The following RAB28 variants were observed in gnomAD, a reference collection of about 807,000 sequenced individuals.
The protein encoded by RAB28 is ras-related protein Rab-28.
In RAB28, 24 loss-of-function variants were observed where a neutral mutation model predicts 31.7. The observed-to-expected ratio is 0.76, with a 90% CI of 0.55 to 1.06. The LOEUF (loss-of-function observed/expected upper bound fraction) is 1.06, where lower values mean the gene tolerates loss of function less well. Ranked by LOEUF, RAB28 falls within the 50% of genes least tolerant of loss-of-function variation. The pLI is 0.00. For synonymous variants in RAB28, 100 were observed against 90.4 expected, an observed-to-expected ratio of 1.11 and a Z score of -0.60; for missense variants, 254 against 258.5, an observed-to-expected ratio of 0.98 and a Z score of 0.12.
intron 4 of RAB28, among the ~76,000 whole-genome samples, chr4:13,391,092 A>C (rs974492506): frequency 3.9e-5 from 6 of 152,238 alleles, no homozygotes; most frequent in African/African-American, 9.6e-5. Context: ...GCACAGCAAA[A>C]GAAACTACCA....
At chr4:13,381,247 T>C (rs1729115518) in intron 5 of RAB28, among the ~76,000 whole-genome samples, 1 of 152,144 alleles carries the variant, frequency 6.6e-6, no homozygotes, top group Admixed American at 6.5e-5. Context: ...TGGTTATCTC[T>C]AGATACTGAC....
intron 4 of RAB28, among the ~76,000 whole-genome samples, chr4:13,420,985 T>C (rs1334534992): frequency 1.3e-5 from 2 of 152,218 alleles, no homozygotes; most frequent in African/African-American, 2.4e-5. Flanking sequence ...GCAGATGACA[T>C]GATTGTATAT....
chr4:13,384,727 T>A (rs1229430319), intron 4 of RAB28, among the ~76,000 whole-genome samples: 1 of 152,074 alleles, frequency 6.6e-6, no homozygotes, highest in Non-Finnish European at 1.5e-5. Context: ...ATCAGCAACA[T>A]CAAAGACCGA....
At chr4:13,444,748 A>T (rs540513671) in intron 4 of RAB28, among the ~76,000 whole-genome samples, 27 of 152,354 alleles carry the variant, frequency 1.8e-4, no homozygotes, top group Admixed American at 5.9e-4. Context: ...GGTGTAACCC[A>T]AAGCTTAATC....
chr4:13,388,181 TC>T (rs1438335750), intron 4 of RAB28, among the ~76,000 whole-genome samples: 1 of 151,960 alleles, frequency 6.6e-6, no homozygotes, highest in Non-Finnish European at 1.5e-5. Flanking sequence ...AATGTAGTCT[TC>T]CAAATAGAAT....
intron 6 of RAB28, chr4:13,370,944 CAT>C (rs1239036347): frequency 6.1e-6 from 6 of 976,680 alleles, no homozygotes; most frequent in Non-Finnish European, 7.3e-6. Flanking sequence ...ACACAGATAA[CAT>C]GTTACCCAAA....
At chr4:13,442,169 C>T (rs1244778187) in intron 4 of RAB28, among the ~76,000 whole-genome samples, 1 of 152,138 alleles carries the variant, frequency 6.6e-6, no homozygotes, top group East Asian at 1.9e-4. Flanking sequence ...ATTTAGTAGA[C>T]TCAGCTTTTG....
At chr4:13,482,709 A>C (rs1716666587) in intron 1 of RAB28, among the ~76,000 whole-genome samples, 1 of 152,220 alleles carries the variant, frequency 6.6e-6, no homozygotes, top group Non-Finnish European at 1.5e-5. Flanking sequence ...CCCAACGTTT[A>C]AAGGTAATCA....
At chr4:13,450,832 C>T (rs1334348938) in intron 4 of RAB28, among the ~76,000 whole-genome samples, 1 of 151,422 alleles carries the variant, frequency 6.6e-6, no homozygotes. Flanking sequence ...ATAGGAAATT[C>T]TAAGTATGAT....
intron 4 of RAB28, among the ~76,000 whole-genome samples, chr4:13,407,481 C>A (rs906338027): frequency 1.3e-5 from 2 of 151,664 alleles, no homozygotes; most frequent in Non-Finnish European, 3.0e-5. Flanking sequence ...GATTGTCTTG[C>A]CTATATGGGC....
At chr4:13,439,623 C>T (rs953484943) in intron 4 of RAB28, among the ~76,000 whole-genome samples, 7 of 152,232 alleles carry the variant, frequency 4.6e-5, no homozygotes, top group African/African-American at 1.7e-4. Context: ...CTGAGATTAC[C>T]GGCATAAGCA....
intron 4 of RAB28, among the ~76,000 whole-genome samples, chr4:13,441,366 T>C (rs189051569): frequency 6.6e-6 from 1 of 152,330 alleles, no homozygotes; most frequent in East Asian, 1.9e-4. Context: ...CTTTAAAAAG[T>C]AATTAAATAC....
chr4:13,413,289 T>C lies in RAB28; in HGVS notation c.392-31695A>G, dbSNP rs138159407. 4.6e-3 allele frequency among the ~76,000 whole-genome samples: 698 copies of C among 152,292 alleles called. 6 individuals are homozygous for C. The highest frequency in any genetic ancestry group is 0.016 in the African/African-American group (665 of 41,576). On this transcript the variant is annotated intron_variant, in intron 4 of 6. Coordinates refer to ENST00000330852, the MANE Select transcript of RAB28 (RefSeq NM_001017979.3). ...AAAATTTAAGTCATTAATTATAATA[T>C]TAAAAAATCAAACTTTCCTTAGACT...
intron 6 of RAB28, chr4:13,371,958 G>A: frequency 7.8e-7 from 1 of 1,283,146 alleles, no homozygotes; most frequent in Non-Finnish European, 1.1e-6. Flanking sequence ...AATGGAAGTG[G>A]CAGCCATGGA....
chr4:13,476,753 T>C (rs1186105204), intron 2 of RAB28, among the ~76,000 whole-genome samples: 2 of 151,554 alleles, frequency 1.3e-5, no homozygotes, highest in African/African-American at 4.8e-5. Flanking sequence ...AAATCAAGAA[T>C]ATATCTAATA....
At chr4:13,440,641 T>C (rs967305495) in intron 4 of RAB28, among the ~76,000 whole-genome samples, 4 of 152,110 alleles carry the variant, frequency 2.6e-5, no homozygotes, top group Non-Finnish European at 5.9e-5. Flanking sequence ...TTATGTGAGA[T>C]TTATTTATAA....
intron 6 of RAB28, among the ~76,000 whole-genome samples, chr4:13,375,307 T>C (rs940689054): frequency 2.0e-5 from 3 of 152,216 alleles, no homozygotes; most frequent in African/African-American, 4.8e-5. Context: ...AACCTATTAA[T>C]TTTCTTTACT....
Position 13,368,296 on chromosome 4 carries a change from T to C in RAB28, c.*262A>G, listed in dbSNP as rs1299136913. On this transcript the variant is annotated 3_prime_UTR_variant, in exon 7 of 7. Coordinates refer to ENST00000330852, the MANE Select transcript of RAB28 (RefSeq NM_001017979.3). ...AGCAAGGACATACAAAGAAACAACA[T>C]CATTCTTTTGCAATGAAGCAGTCTA... The C allele has an allele frequency of 1.8e-6, 2 of 1,108,018 alleles. No homozygotes were observed. Among genetic ancestry groups the C allele is most frequent in the African/African-American group, 1.6e-5 (1 of 61,432 alleles). The allele number at this position is 1,108,018 out of a possible 1,614,324, so 68.6% of individuals were successfully genotyped here.
In RAB28 at chr4:13,368,346, T is replaced by C. The variant is rs1254961755; in HGVS notation, c.*212A>G. 1 of 1,203,766 alleles carries C rather than the reference T, an allele frequency of 8.3e-7. No individual in the cohort carries two copies. The highest frequency in any genetic ancestry group is 1.0e-6 in the Non-Finnish European group (1 of 969,590). 74.6% of individuals were successfully genotyped at this position (1,203,766 alleles called of 1,614,324 possible). A position where few individuals can be genotyped will look rare whatever the true frequency, so the allele number is the denominator to read the frequency against. Reference sequence around the variant, plus strand: ...AATTCCAGGGAATGGGTTTTCCATTTTGAATTCAAAGTGTGTGGTCCCAAA... The same window carrying C: ...AATTCCAGGGAATGGGTTTTCCATTCTGAATTCAAAGTGTGTGGTCCCAAA... On this transcript the variant is annotated 3_prime_UTR_variant, in exon 7 of 7. Coordinates refer to ENST00000330852, the MANE Select transcript of RAB28 (RefSeq NM_001017979.3).
Sources: allele counts gnomAD v4.1 joint callset (sites outside exome capture counted in the v4.1 genomes callset), GRCh38; gene constraint gnomAD v4.1.1; transcripts MANE v1.5; gene names NCBI Gene and HGNC (gene_info 2026-07-23, HGNC 2026-07-21).